MAEA: variants seen among roughly 807,000 people sequenced by gnomAD.
MAEA encodes the protein macrophage erythroblast attacher, E3 ubiquitin ligase.
In MAEA, 22 loss-of-function variants were observed where a neutral mutation model predicts 46.2. The ratio of observed to expected loss-of-function variants is 0.48; its 90% CI spans 0.34 to 0.68. MAEA has a LOEUF of 0.68. Ranked by LOEUF, MAEA falls within the 30% of genes least tolerant of loss-of-function variation. The pLI is 0.01. For synonymous variants in MAEA, 246 were observed against 222.6 expected, an observed-to-expected ratio of 1.11 and a Z score of -0.94; for missense variants, 393 against 558.1, an observed-to-expected ratio of 0.70 and a Z score of 2.98.
intron 7 of MAEA, 137 bp downstream of exon 7, chr4:1,337,131 C>A: frequency 9.1e-7 from 1 of 1,094,676 alleles, no homozygotes; most frequent in Non-Finnish European, 1.3e-6. Context: ...GCTGCACTTG[C>A]GTGGTGTCTG....
intron 1 of MAEA, among the ~76,000 whole-genome samples, chr4:1,293,359 C>T (rs1023740668): frequency 9.9e-5 from 15 of 152,060 alleles, no homozygotes; most frequent in Non-Finnish European, 2.1e-4. Context: ...CCACTGCCCT[C>T]CAGCCTGGGT....
At chr4:1,329,096 C>T in intron 5 of MAEA, 1 of 985,678 alleles carries the variant, frequency 1.0e-6, no homozygotes, top group Non-Finnish European at 1.2e-6. Flanking sequence ...CGGCCACTGT[C>T]AGCCCTGGAG....
chr4:1,328,416 C>T (rs552649076), intron 5 of MAEA, among the ~76,000 whole-genome samples: 9 of 152,338 alleles, frequency 5.9e-5, no homozygotes, highest in Admixed American at 3.3e-4. Flanking sequence ...CACCCCGTCT[C>T]GGGGCAGGGC....
rs114791628 is a variant in MAEA at position 1,331,680 on chromosome 4, G to A, written c.657-1077G>A. 5.1e-3 allele frequency: 771 copies of A among 152,600 alleles called. 2 individuals carry two copies. Among genetic ancestry groups the A allele is most frequent in the Non-Finnish European group, 9.0e-3 (613 of 68,392 alleles). The allele number at this position is 152,600 out of a possible 1,614,324, so 9.5% of individuals were successfully genotyped here. A position where few individuals can be genotyped will look rare whatever the true frequency, so the allele number is the denominator to read the frequency against. ...CAGAGGGGCCCTGAGGGCTGAGAAC[G>A]TGGGGTGCACAGGGGCCCGTGTGAG... On this transcript the variant is annotated intron_variant, in intron 5 of 8. Transcript: ENST00000303400.
intron 3 of MAEA, among the ~76,000 whole-genome samples, chr4:1,317,030 CTG>C (rs1413452478): frequency 1.0e-4 from 14 of 133,532 alleles, no homozygotes; most frequent in Non-Finnish European, 1.4e-4. Context: ...CCAGACTCAC[CTG>C]CAGGCCCACC....
chr4:1,322,390 A>C lies in MAEA; in HGVS notation c.466A>C (p.Asn156His). ...ARQSGIEDLV[N>H]IEMFLTAKEV... is the part of the protein sequence containing the mutation. Reference sequence around the variant, plus strand: ...GCTTCCTTCCTCTAAGGACCTAGTGAATATTGAGATGTTCCTGACGGCCAA... The same window carrying C: ...GCTTCCTTCCTCTAAGGACCTAGTGCATATTGAGATGTTCCTGACGGCCAA... The change falls in exon 4 of 9, where the codon AAT becomes CAT. Residue 156 changes from asparagine (N) to histidine (H), a missense_variant. Asn to His is a moderately conservative substitution (Grantham distance 68). Transcript: ENST00000303400. The C allele has an allele frequency of 6.2e-7, 1 of 1,613,928 alleles. No individual in the cohort carries two copies. Among genetic ancestry groups the C allele is most frequent in the Non-Finnish European group, 8.5e-7 (1 of 1,179,946 alleles).
chr4:1,323,706 C>G, intron 4 of MAEA: 2 of 678,604 alleles, frequency 2.9e-6, no homozygotes. Flanking sequence ...AGGGCTGTTT[C>G]CTGTGGATGT....
chr4:1,335,207 T>C lies in MAEA; in HGVS notation c.766-1654T>C, dbSNP rs964065030. 8 of 985,376 alleles carry C rather than the reference T, an allele frequency of 8.1e-6. No homozygotes were observed. The African/African-American group carries it at 1.4e-4, about 17-fold the overall frequency. The allele number at this position is 985,376 out of a possible 1,614,324, so 61.0% of individuals were successfully genotyped here. On this transcript the variant is annotated intron_variant, in intron 6 of 8. Transcript: ENST00000303400. ...GCTTTAACCTAACATGGACCGGTTG[T>C]TTTCCATTTCATACATGATTTCTCT...
chr4:1,289,934 G>A lies in MAEA; in HGVS notation c.21G>A (p.Ala7=), dbSNP rs755222864. ...TCAAGATGGCGGTGCAGGAGTCGGC[G>A]GCTCAGTTGTCCATGACCCTGAAGG... is the stretch of plus-strand genomic sequence containing the variant. MAVQES[A]AQLSMTLKVQ... is the part of the protein sequence containing the mutation. Residue 7 remains alanine (A), a synonymous_variant, in exon 1 of 9, where the codon GCG becomes GCA. Transcript: ENST00000303400. The A allele has an allele frequency of 3.6e-5, 58 of 1,601,432 alleles. No homozygotes were observed. The Admixed American group carries it at 8.9e-4, about 25-fold the overall frequency.
chr4:1,320,968 C>T (rs1384094156), intron 3 of MAEA, among the ~76,000 whole-genome samples: 1 of 152,188 alleles, frequency 6.6e-6, no homozygotes, highest in Admixed American at 6.5e-5. Flanking sequence ...GGCGTGGTGG[C>T]AGGCGCCTGT....
At position 1,309,968 on chromosome 4, in the gene MAEA, C is replaced by T. The variant is rs953734891; in HGVS notation, c.70-2011C>T. Reference sequence around the variant, plus strand: ...TAAGGGACGTCCAGAGAGGCCTTTCCTTTTCTGGTGGCGGTCTGGAATGTG... The same window carrying T: ...TAAGGGACGTCCAGAGAGGCCTTTCTTTTTCTGGTGGCGGTCTGGAATGTG... On this transcript the variant is annotated intron_variant, in intron 1 of 8. Coordinates refer to ENST00000303400, the MANE Select transcript of MAEA (RefSeq NM_001017405.3). 4.0e-5 allele frequency: 50 copies of T among 1,246,780 alleles called. No homozygotes were observed. In the African/African-American group the frequency reaches 7.0e-4, roughly 17 times the overall value. 77.2% of individuals were successfully genotyped at this position (1,246,780 alleles called of 1,614,324 possible). A position where few individuals can be genotyped will look rare whatever the true frequency, so the allele number is the denominator to read the frequency against.
chr4:1,290,111 C>T, intron 1 of MAEA, 129 bp downstream of exon 1: 2 of 482,602 alleles, frequency 4.1e-6, no homozygotes, highest in Non-Finnish European at 6.1e-6. Context: ...CTCGCGGGGC[C>T]GTGCGGGCTT....
Position 1,339,321 on chromosome 4 carries a change from G to T in MAEA, c.*152G>T. 1 of 610,796 alleles carries T rather than the reference G, an allele frequency of 1.6e-6. No homozygotes were observed. The highest frequency in any genetic ancestry group is 3.0e-5 in the Admixed American group (1 of 33,432). 37.8% of individuals were successfully genotyped at this position (610,796 alleles called of 1,614,324 possible). A position where few individuals can be genotyped will look rare whatever the true frequency, so the allele number is the denominator to read the frequency against. Reference sequence around the variant, plus strand: ...AACGATAAATACTCTTAGGAAGAGAGAAAATAAGGTTTCATAAGTTTGTAC... The same window carrying T: ...AACGATAAATACTCTTAGGAAGAGATAAAATAAGGTTTCATAAGTTTGTAC... On this transcript the variant is annotated 3_prime_UTR_variant, in exon 9 of 9. Coordinates refer to ENST00000303400, the MANE Select transcript of MAEA (RefSeq NM_001017405.3).
intron 5 of MAEA, chr4:1,329,013 G>T: frequency 3.0e-6 from 3 of 986,360 alleles, no homozygotes; most frequent in Non-Finnish European, 3.6e-6. Flanking sequence ...TGGCCTCGGT[G>T]CCTGTGTCGC....
chr4:1,291,156 A>G (rs1274413962), intron 1 of MAEA, among the ~76,000 whole-genome samples: 2 of 152,058 alleles, frequency 1.3e-5, no homozygotes, highest in African/African-American at 4.8e-5. Context: ...TTTATTAACT[A>G]GCGGTTTATT....
intron 6 of MAEA, 72 bp downstream of exon 6, chr4:1,332,937 G>C (rs1177600564): frequency 8.5e-7 from 1 of 1,171,286 alleles, no homozygotes; most frequent in African/African-American, 1.5e-5. Context: ...GTCTGTAGCT[G>C]CTTCCACACG....
intron 8 of MAEA, 73 bp from the exon 9 acceptor site, chr4:1,339,000 TG>T: frequency 8.2e-7 from 1 of 1,224,320 alleles, no homozygotes; most frequent in Non-Finnish European, 1.2e-6. Context: ...TGGTTCATTG[TG>T]GGGATTTTCC....
Position 1,339,189 on chromosome 4 carries a change from A to G in MAEA, c.*20A>G. The stretch of plus-strand genomic sequence containing the variant: ...ATGTAGGCCCCACGTCGTGAAGCGC[A>G]CGCCTCGGGGACGGGCTGCAGTGGG... On this transcript the variant is annotated 3_prime_UTR_variant, in exon 9 of 9. Coordinates refer to ENST00000303400, the MANE Select transcript of MAEA (RefSeq NM_001017405.3). 6.3e-7 allele frequency: 1 copy of G among 1,598,354 alleles called. No homozygotes were observed. Among genetic ancestry groups the G allele is most frequent in the East Asian group, 2.2e-5 (1 of 44,722 alleles).
chr4:1,317,478 T>A (rs1164561251), intron 3 of MAEA, among the ~76,000 whole-genome samples: 2 of 151,838 alleles, frequency 1.3e-5, no homozygotes, highest in African/African-American at 4.8e-5. Flanking sequence ...TTCTCTCAGA[T>A]GCTGCCCTGG....
Sources: gnomAD v4.1 joint callset for allele counts (sites outside exome capture counted in the v4.1 genomes callset) on GRCh38, gnomAD v4.1.1 for gene constraint, MANE v1.5 for transcripts, NCBI Gene and HGNC (gene_info 2026-07-23, HGNC 2026-07-21) for gene names.